Variants in CNST observed in about 807,000 individuals in gnomAD.
CNST encodes the protein consortin.
In CNST, 39 loss-of-function variants were observed where a neutral mutation model predicts 72.4. The ratio of observed to expected loss-of-function variants is 0.54; its 90% CI spans 0.42 to 0.70. The LOEUF is 0.70. Among genes scored for constraint, CNST ranks in the 30% least tolerant of loss-of-function variants. CNST has a pLI of 0.00. For missense variants in CNST, 871 were observed against 868.5 expected (o/e 1.00, Z -0.04); for synonymous variants, 332 against 320.1 (o/e 1.04, Z -0.40).
Position 246,625,688 on chromosome 1 carries a change from G to A in CNST, c.585+4054G>A, listed in dbSNP as rs995916757. On this transcript the variant is annotated intron_variant, in intron 3 of 10. Transcript: ENST00000366513. Reference sequence around the variant, plus strand: ...GCCCGCCTCGGCCTCCCAAAGTGCTGGGATTACAGGTGTGAGCCACTGCGC... The same window carrying A: ...GCCCGCCTCGGCCTCCCAAAGTGCTAGGATTACAGGTGTGAGCCACTGCGC... Among the ~76,000 whole-genome samples, 3 of 152,022 alleles carry A rather than the reference G, an allele frequency of 2.0e-5. No homozygotes were observed. In the East Asian group the frequency reaches 5.8e-4, roughly 29 times the overall value.
rs1334254296 is a variant in CNST, at chr1:246,668,115, TAGGGC to T, written c.*2213_*2217del. 1 of 152,174 alleles carries T rather than the reference TAGGGC, an allele frequency of 6.6e-6. No individual in the cohort carries two copies. Among genetic ancestry groups the T allele is most frequent in the Non-Finnish European group, 1.5e-5 (1 of 68,038 alleles). The allele number at this position is 152,174 out of a possible 1,614,324, so 9.4% of individuals were successfully genotyped here. On this transcript the variant is annotated 3_prime_UTR_variant, in exon 11 of 11. Coordinates refer to ENST00000366513, the MANE Select transcript of CNST (RefSeq NM_152609.3). ...GGCATGAAATCGCAACTAGAAAAATTAGGGCAGTTTTTAAAAATGTCATAGTTATC... is the reference window on the plus strand; with the variant it reads ...GGCATGAAATCGCAACTAGAAAAATTAGTTTTTAAAAATGTCATAGTTATC...
At chr1:246,607,768 G>A (rs1488384476) in intron 2 of CNST, 2 of 152,212 alleles carry the variant, frequency 1.3e-5, no homozygotes, top group Non-Finnish European at 2.9e-5. Flanking sequence ...GCCTGAGAAG[G>A]GAGGAGTTAT....
At chr1:246,628,139 T>C (rs1417291286) in intron 3 of CNST, among the ~76,000 whole-genome samples, 3 of 152,136 alleles carry the variant, frequency 2.0e-5, no homozygotes, top group Non-Finnish European at 4.4e-5. Flanking sequence ...CTGCCTGCTT[T>C]ATATTCCCTG....
intron 5 of CNST, 41 bp from the exon 6 acceptor site, chr1:246,634,432 G>A (rs1665002978): frequency 8.2e-7 from 1 of 1,226,888 alleles, no homozygotes; most frequent in Non-Finnish European, 1.2e-6. Context: ...TCCTAAATAT[G>A]TTTTATAAGA....
rs548962256 is a variant in CNST at position 246,577,815 on chromosome 1, G to T, written c.-52+11152G>T. On this transcript the variant is annotated intron_variant, in intron 1 of 10. Transcript: ENST00000366513. ...TTAGAAAAGAACTAAAACAGTCTGT[G>T]CATGGTGGCTCACACCTATCATTTC... Among the ~76,000 whole-genome samples the T allele has an allele frequency of 2.0e-5, 3 of 152,222 alleles. No individual in the cohort carries two copies. In the East Asian group the frequency reaches 5.8e-4, roughly 29 times the overall value.
intron 10 of CNST, among the ~76,000 whole-genome samples, chr1:246,660,785 G>A (rs1027112838): frequency 9.2e-5 from 14 of 152,136 alleles, no homozygotes; most frequent in African/African-American, 3.4e-4. Context: ...ATCTTCTAAG[G>A]GAGAAACATA....
At chr1:246,634,038 A>C in intron 5 of CNST, 28 bp downstream of exon 5, 2 of 1,359,712 alleles carry the variant, frequency 1.5e-6, no homozygotes, top group Non-Finnish European at 2.1e-6. Context: ...TGGAATGTGG[A>C]ATTAGCAGTA....
At chr1:246,630,279 C>T (rs927819828) in intron 3 of CNST, among the ~76,000 whole-genome samples, 1 of 152,192 alleles carries the variant, frequency 6.6e-6, no homozygotes, top group Non-Finnish European at 1.5e-5. Flanking sequence ...ATGAAATTCT[C>T]ATTTTGTAAG....
chr1:246,599,785 A>G (rs1397794996), intron 2 of CNST, among the ~76,000 whole-genome samples: 5 of 152,264 alleles, frequency 3.3e-5, no homozygotes, highest in African/African-American at 1.2e-4. Context: ...ATAACTTTAC[A>G]TAACAGAATA....
chr1:246,574,314 T>A (rs1236724345), intron 1 of CNST, among the ~76,000 whole-genome samples: 1 of 152,240 alleles, frequency 6.6e-6, no homozygotes, highest in Non-Finnish European at 1.5e-5. Context: ...GTGTTGGGAT[T>A]ACAGGCGTGA....
chr1:246,648,094 T>C, intron 9 of CNST, 57 bp downstream of exon 9: 4 of 1,520,802 alleles, frequency 2.6e-6, no homozygotes, highest in Non-Finnish European at 2.6e-6. Context: ...AACATATATA[T>C]GTATTAAATA....
intron 1 of CNST, among the ~76,000 whole-genome samples, chr1:246,566,993 C>T (rs902785714): frequency 2.0e-5 from 3 of 152,158 alleles, no homozygotes; most frequent in Non-Finnish European, 2.9e-5. Flanking sequence ...TGTTGTGTGG[C>T]CCACAGCCCG....
chr1:246,656,486 TC>T (rs1217158635), intron 9 of CNST, among the ~76,000 whole-genome samples: 4 of 152,202 alleles, frequency 2.6e-5, no homozygotes, highest in African/African-American at 7.2e-5. Context: ...GCTCAGACAT[TC>T]TTTTTGGTCT....
Position 246,642,047 on chromosome 1 carries a change from T to A in CNST, c.937+10T>A. On this transcript the variant is annotated intron_variant, in intron 8 of 10. Transcript: ENST00000366513. ...ACCACCAAAGAGTCAGGTATGTTTT[T>A]AACTTAAGCTATGGAGCAACGTAAA... is the stretch of plus-strand genomic sequence containing the variant. 1 of 1,544,300 alleles carries A rather than the reference T, an allele frequency of 6.5e-7. No homozygotes were observed. Among genetic ancestry groups the A allele is most frequent in the Non-Finnish European group, 8.9e-7 (1 of 1,125,152 alleles).
At chr1:246,594,182 T>C (rs1420020670) in intron 2 of CNST, among the ~76,000 whole-genome samples, 3 of 152,136 alleles carry the variant, frequency 2.0e-5, no homozygotes, top group Non-Finnish European at 2.9e-5. Context: ...GATTATATTA[T>C]TATTATATTT....
intron 2 of CNST, among the ~76,000 whole-genome samples, chr1:246,610,245 C>A (rs527580891): frequency 2.0e-5 from 3 of 152,350 alleles, no homozygotes; most frequent in African/African-American, 4.8e-5. Context: ...CGTGCCACTG[C>A]ACTCCAGCCT....
chr1:246,574,130 C>T lies in CNST; in HGVS notation c.-52+7467C>T, dbSNP rs1031044868. On this transcript the variant is annotated intron_variant, in intron 1 of 10. Coordinates refer to ENST00000366513, the MANE Select transcript of CNST (RefSeq NM_152609.3). ...TCTCAGCTCACTGCAAGCTCCACTA[C>T]TCCTGGGTTCACGCCATTCTCCCGC... Among the ~76,000 whole-genome samples the T allele has an allele frequency of 9.2e-5, 14 of 152,332 alleles. 1 individual carries two copies. Among genetic ancestry groups the T allele is most frequent in the African/African-American group, 3.4e-4 (14 of 41,584 alleles).
chr1:246,599,810 A>T (rs1191832489), intron 2 of CNST, among the ~76,000 whole-genome samples: 1 of 152,238 alleles, frequency 6.6e-6, no homozygotes, highest in East Asian at 1.9e-4. Context: ...TTCACTTTAT[A>T]AAAGTTTTTC....
intron 6 of CNST, among the ~76,000 whole-genome samples, chr1:246,636,158 T>TA (rs1447459015): frequency 2.6e-5 from 4 of 152,100 alleles, no homozygotes; most frequent in African/African-American, 9.7e-5. Flanking sequence ...TAGCTGAAGT[T>TA]AGAGGGAGAC....
Sources: allele counts gnomAD v4.1 joint callset (sites outside exome capture counted in the v4.1 genomes callset), GRCh38; gene constraint gnomAD v4.1.1; transcripts MANE v1.5; gene names NCBI Gene and HGNC (gene_info 2026-07-23, HGNC 2026-07-21).